STXBP5L: variants seen among roughly 807,000 people sequenced by gnomAD.
STXBP5L encodes the protein syntaxin-binding protein 5-like.
Under a neutral mutation model 144.5 loss-of-function variants are expected in STXBP5L, and 65 were observed. That is an observed-to-expected ratio of 0.45 (90% CI 0.37 to 0.55). The LOEUF (loss-of-function observed/expected upper bound fraction) is 0.55. STXBP5L is among the 20% of genes least tolerant of loss of function. STXBP5L has a pLI of 0.00. For missense variants in STXBP5L, 1,298 were observed against 1,405.5 expected (o/e 0.92, Z 1.22); for synonymous variants, 505 against 469.6 (o/e 1.08, Z -0.97).
At chr3:121,032,923 C>G (rs1946477781) in intron 3 of STXBP5L, among the ~76,000 whole-genome samples, 2 of 37,328 alleles carry the variant, frequency 5.4e-5, no homozygotes, top group Admixed American at 6.5e-4. Flanking sequence ...CAGGAAACAA[C>G]AGGTGCTGGA....
chr3:121,288,332 G>A (rs535607210), intron 19 of STXBP5L, among the ~76,000 whole-genome samples: 1 of 152,280 alleles, frequency 6.6e-6, no homozygotes, highest in South Asian at 2.1e-4. Flanking sequence ...TAAACCACAA[G>A]TTATATTTCT....
chr3:120,982,462 G>A (rs1021496416), intron 3 of STXBP5L, among the ~76,000 whole-genome samples: 5 of 152,184 alleles, frequency 3.3e-5, no homozygotes, highest in African/African-American at 7.2e-5. Flanking sequence ...CACATCCTAG[G>A]CAGGTGGGAA....
intron 20 of STXBP5L, chr3:121,324,415 C>G: frequency 1.7e-6 from 1 of 592,464 alleles, no homozygotes; most frequent in East Asian, 2.9e-5. Flanking sequence ...TGAAATTCAG[C>G]TTTATTAAAG....
chr3:121,116,377 A>G (rs977370337), intron 6 of STXBP5L, among the ~76,000 whole-genome samples: 1 of 152,122 alleles, frequency 6.6e-6, no homozygotes, highest in Non-Finnish European at 1.5e-5. Flanking sequence ...GGTTGTTACT[A>G]GTTATACTCT....
At chr3:121,210,747 G>A (rs1387913309) in intron 10 of STXBP5L, among the ~76,000 whole-genome samples, 3 of 152,134 alleles carry the variant, frequency 2.0e-5, no homozygotes, top group Admixed American at 6.5e-5. Flanking sequence ...TTGTAGATGT[G>A]TGGTATTATT....
At chr3:121,273,027 C>CT (rs1314715429) in intron 18 of STXBP5L, among the ~76,000 whole-genome samples, 1 of 151,994 alleles carries the variant, frequency 6.6e-6, no homozygotes, top group Non-Finnish European at 1.5e-5. Flanking sequence ...TTATACTGGA[C>CT]TTAAAGTTGA....
chr3:121,367,157 A>C (rs2045886302), intron 20 of STXBP5L, among the ~76,000 whole-genome samples: 1 of 152,170 alleles, frequency 6.6e-6, no homozygotes, highest in Non-Finnish European at 1.5e-5. Flanking sequence ...AGAACCCAAA[A>C]GGTGTGGTTA....
intron 3 of STXBP5L, among the ~76,000 whole-genome samples, chr3:121,007,992 C>T (rs1434747475): frequency 1.3e-5 from 2 of 151,904 alleles, no homozygotes; most frequent in Non-Finnish European, 2.9e-5. Flanking sequence ...ATGGTTAATT[C>T]TAAGGTTGTA....
At chr3:121,219,961 G>A (rs1190684656) in intron 10 of STXBP5L, among the ~76,000 whole-genome samples, 2 of 151,980 alleles carry the variant, frequency 1.3e-5, no homozygotes, top group Non-Finnish European at 2.9e-5. Context: ...GCTGTTTTCT[G>A]TATGTATTTT....
chr3:121,376,920 G>A (rs1287788930), intron 20 of STXBP5L, among the ~76,000 whole-genome samples: 1 of 152,126 alleles, frequency 6.6e-6, no homozygotes, highest in African/African-American at 2.4e-5. Flanking sequence ...GTAGTTTGTA[G>A]TTCTCATTGA....
intron 7 of STXBP5L, among the ~76,000 whole-genome samples, chr3:121,123,576 AG>A (rs2044570837): frequency 6.6e-6 from 1 of 151,638 alleles, no homozygotes; most frequent in Non-Finnish European, 1.5e-5. Context: ...GAAAAAAAAA[AG>A]CCTGAAAGAA....
At chr3:121,048,396 G>A (rs1360105950) in intron 5 of STXBP5L, among the ~76,000 whole-genome samples, 1 of 152,122 alleles carries the variant, frequency 6.6e-6, no homozygotes, top group Non-Finnish European at 1.5e-5. Flanking sequence ...GGCCTCTCTA[G>A]TGAGGCTGGG....
chr3:120,974,386 G>T (rs1012916082), intron 3 of STXBP5L, among the ~76,000 whole-genome samples: 10 of 151,428 alleles, frequency 6.6e-5, no homozygotes, highest in Admixed American at 2.6e-4. Context: ...TTTTGATGGG[G>T]TTGTTTGTTT....
At chr3:121,305,844 A>T (rs2043320226) in intron 19 of STXBP5L, among the ~76,000 whole-genome samples, 1 of 152,180 alleles carries the variant, frequency 6.6e-6, no homozygotes, top group African/African-American at 2.4e-5. Context: ...AGAAAATTTA[A>T]AACTGTCTTT....
intron 5 of STXBP5L, among the ~76,000 whole-genome samples, chr3:121,087,333 A>G (rs1262326209): frequency 1.3e-5 from 2 of 152,050 alleles, no homozygotes; most frequent in East Asian, 1.9e-4. Context: ...CAGTTCTGTC[A>G]TGTTTTATTT....
intron 7 of STXBP5L, among the ~76,000 whole-genome samples, chr3:121,129,111 G>T (rs2044854057): frequency 6.6e-6 from 1 of 151,992 alleles, no homozygotes; most frequent in Non-Finnish European, 1.5e-5. Flanking sequence ...ACGGAGTTTT[G>T]GCCCAAGTCT....
intron 24 of STXBP5L, among the ~76,000 whole-genome samples, chr3:121,414,846 T>A (rs1260217386): frequency 2.6e-5 from 4 of 152,202 alleles, no homozygotes. Context: ...CTGGTTATAG[T>A]ATGGCAGTTG....
At chr3:121,337,418 G>T (rs2044545689) in intron 20 of STXBP5L, among the ~76,000 whole-genome samples, 2 of 106,010 alleles carry the variant, frequency 1.9e-5, no homozygotes, top group Admixed American at 1.2e-4. Context: ...AGATAGAACA[G>T]ACACTTTAAA....
chr3:120,965,066 C>CTGTTT (rs1451674992), intron 3 of STXBP5L, among the ~76,000 whole-genome samples: 1 of 152,052 alleles, frequency 6.6e-6, no homozygotes, highest in African/African-American at 2.4e-5. Context: ...GGTTTAAAGT[C>CTGTTT]TGTTTTATTA....
Sources: allele counts gnomAD v4.1 joint callset (sites outside exome capture counted in the v4.1 genomes callset), GRCh38; gene constraint gnomAD v4.1.1; transcripts MANE v1.5; gene names NCBI Gene and HGNC (gene_info 2026-07-23, HGNC 2026-07-21).